WNT7B: variants seen among roughly 807,000 people sequenced by gnomAD.
The protein encoded by WNT7B is protein Wnt-7b.
Under a neutral mutation model 38.2 loss-of-function variants are expected in WNT7B, and 19 were observed. That is an observed-to-expected ratio of 0.50 (90% CI 0.35 to 0.73). WNT7B has a LOEUF of 0.73. Ranked by LOEUF, WNT7B falls within the 30% of genes least tolerant of loss-of-function variation. The pLI is 0.01. For missense variants in WNT7B, 423 were observed against 507.9 expected, an observed-to-expected ratio of 0.83 and a Z score of 1.61; for synonymous variants, 243 against 209.3, an observed-to-expected ratio of 1.16 and a Z score of -1.39.
chr22:45,969,203 C>A (rs1245991852), intron 1 of WNT7B, among the ~76,000 whole-genome samples: 3 of 152,150 alleles, frequency 2.0e-5, no homozygotes. Context: ...GTGGTAAGTG[C>A]CCCCCCACCC....
intron 3 of WNT7B, chr22:45,927,660 C>G (rs2146706579): frequency 1.4e-6 from 1 of 735,146 alleles, no homozygotes; most frequent in East Asian, 2.7e-5. Context: ...CTTTGGGAGG[C>G]CGAGGCGGGC....
chr22:45,962,824 G>T (rs1328753665), intron 1 of WNT7B, among the ~76,000 whole-genome samples: 1 of 152,224 alleles, frequency 6.6e-6, no homozygotes, highest in Non-Finnish European at 1.5e-5. Flanking sequence ...AGGCCTGGGT[G>T]ACCAGGATGC....
chr22:45,946,082 C>T (rs573807691), intron 2 of WNT7B, among the ~76,000 whole-genome samples: 33 of 152,216 alleles, frequency 2.2e-4, no homozygotes, highest in Admixed American at 2.0e-3. Flanking sequence ...ATGGGGGCGG[C>T]GCAGTGGTTG....
At position 45,976,459 on chromosome 22, in the gene WNT7B, C is replaced by T. The variant is rs950403302; in HGVS notation, c.71+225G>A. Among the ~76,000 whole-genome samples, 7 of 152,078 alleles carry T rather than the reference C, an allele frequency of 4.6e-5. No homozygotes were observed. In the East Asian group the frequency reaches 1.4e-3, roughly 30 times the overall value. The stretch of plus-strand genomic sequence containing the variant: ...GCCCGGCCGGACCGCCCGCGCGCCC[C>T]GCTCTCTCTCCTCCCGCGCTGGGCT... On this transcript the variant is annotated intron_variant, in intron 1 of 3. Transcript: ENST00000339464. The surrounding 1 kb of genome is among the most constrained non-coding windows in gnomAD (Gnocchi z 8.5).
chr22:45,957,628 A>AGC (rs1013189576), intron 1 of WNT7B, among the ~76,000 whole-genome samples: 17 of 131,748 alleles, frequency 1.3e-4, no homozygotes, highest in Non-Finnish European at 2.7e-4. Context: ...AGTTGCAGTG[A>AGC]GCCGAGATCA....
intron 2 of WNT7B, 70 bp from the exon 3 acceptor site, chr22:45,931,439 G>T (rs566097357): frequency 6.8e-7 from 1 of 1,466,976 alleles, no homozygotes; most frequent in Admixed American, 2.3e-5. Context: ...GGGACAGGGT[G>T]CCGGGCCTCG....
rs1932568660 is a variant in WNT7B at position 45,977,062 on chromosome 22, G to A, written c.-308C>T. ...GGGGCCCGGGCGCGGCTGGCGGGCGGGTGCAGCCTGCACTAGGCGCAGCCG... is the reference window on the plus strand; with the variant it reads ...GGGGCCCGGGCGCGGCTGGCGGGCGAGTGCAGCCTGCACTAGGCGCAGCCG... On this transcript the variant is annotated 5_prime_UTR_variant, in exon 1 of 4. Coordinates refer to ENST00000339464, the MANE Select transcript of WNT7B (RefSeq NM_058238.3). 1 of 975,608 alleles carries A rather than the reference G, an allele frequency of 1.0e-6. No individual in the cohort carries two copies. Among genetic ancestry groups the A allele is most frequent in the African/African-American group, 1.8e-5 (1 of 56,958 alleles). The allele number at this position is 975,608 out of a possible 1,614,324, so 60.4% of individuals were successfully genotyped here.
At chr22:45,941,270 G>T (rs547716563) in intron 2 of WNT7B, among the ~76,000 whole-genome samples, 1 of 152,336 alleles carries the variant, frequency 6.6e-6, no homozygotes, top group African/African-American at 2.4e-5. Context: ...GGCACCTTGG[G>T]AGGCTAAGGC....
At position 45,948,590 on chromosome 22, in the gene WNT7B, T is replaced by TC. The variant is rs145594048; in HGVS notation, c.298+1329dup. On this transcript the variant is annotated intron_variant, in intron 2 of 3. Coordinates refer to ENST00000339464, the MANE Select transcript of WNT7B (RefSeq NM_058238.3). ...TGCAAGCCTGGCACTCTGCCAGTTA[T>TC]CCCCCCCCTCCTCTGCCTCTTGCCA... Among the ~76,000 whole-genome samples the TC allele has an allele frequency of 3.5e-4, 53 of 151,422 alleles. 2 individuals are homozygous for TC. Among genetic ancestry groups the TC allele is most frequent in the African/African-American group, 8.0e-4 (33 of 41,258 alleles).
At position 45,965,299 on chromosome 22, in the gene WNT7B, G is replaced by C. The variant is rs540357686; in HGVS notation, c.71+11385C>G. On this transcript the variant is annotated intron_variant, in intron 1 of 3. Transcript: ENST00000339464. This position sits in a 1 kb window ranked among gnomAD's most constrained non-coding sequence, Gnocchi z 6.5. ...TCATCACAGATGGCTTAGAGCTCCTGCTGTGGGTCCCACAGGGCTTTGTGT... is the reference window on the plus strand; with the variant it reads ...TCATCACAGATGGCTTAGAGCTCCTCCTGTGGGTCCCACAGGGCTTTGTGT... 6.6e-6 allele frequency among the ~76,000 whole-genome samples: 1 copy of C among 152,210 alleles called. No homozygotes were observed. The highest frequency in any genetic ancestry group is 1.5e-5 in the Non-Finnish European group (1 of 68,036).
chr22:45,954,852 C>T (rs1932023602), intron 1 of WNT7B: 2 of 744,666 alleles, frequency 2.7e-6, no homozygotes, highest in Non-Finnish European at 3.3e-6. Flanking sequence ...ATCATTTAAT[C>T]CTCACCTTGC....
chr22:45,931,908 A>T (rs1222405494), intron 2 of WNT7B, among the ~76,000 whole-genome samples: 2 of 152,130 alleles, frequency 1.3e-5, no homozygotes, highest in African/African-American at 2.4e-5. Flanking sequence ...CCCCACCCCC[A>T]GCCAGGAACC....
In WNT7B at chr22:45,929,864, C is replaced by CCATTCATGCATCCATCCACCTACCCATA. The variant is rs139423492; in HGVS notation, c.570+1233_570+1234insTATGGGTAGGTGGATGGATGCATGAATG. 5.1e-3 allele frequency among the ~76,000 whole-genome samples: 764 copies of CCATTCATGCATCCATCCACCTACCCATA among 150,538 alleles called. 6 individuals are homozygous for CCATTCATGCATCCATCCACCTACCCATA. The highest frequency in any genetic ancestry group is 0.018 in the African/African-American group (724 of 40,592). On this transcript the variant is annotated intron_variant, in intron 3 of 3. Coordinates refer to ENST00000339464, the MANE Select transcript of WNT7B (RefSeq NM_058238.3). ...TACATCCACCCACTCATCCTTCCAT[C>CCATTCATGCATCCATCCACCTACCCATA]CATCCATCCAACCATCTACCCACTC... is the stretch of plus-strand genomic sequence containing the variant.
Position 45,921,225 on chromosome 22 carries a change from C to T in WNT7B, c.*1631G>A, listed in dbSNP as rs368125342. ...AGTTCCTCCCTCTGTCACTCATGCT[C>T]CTCAGAGACAGGGGTGGGAGCATCC... On this transcript the variant is annotated 3_prime_UTR_variant, in exon 4 of 4. Transcript: ENST00000339464. The T allele has an allele frequency of 1.3e-5, 2 of 152,440 alleles. No individual in the cohort carries two copies. The highest frequency in any genetic ancestry group is 3.9e-4 in the East Asian group (2 of 5,174). 9.4% of individuals were successfully genotyped at this position (152,440 alleles called of 1,614,324 possible).
chr22:45,974,025 T>A (rs927895566), intron 1 of WNT7B, among the ~76,000 whole-genome samples: 11 of 152,164 alleles, frequency 7.2e-5, no homozygotes, highest in Admixed American at 6.5e-4. Context: ...GCAGATGCCC[T>A]GGAATACACC....
chr22:45,955,976 G>A (rs73175074), intron 1 of WNT7B, among the ~76,000 whole-genome samples: 12,385 of 152,192 alleles, frequency 0.081, 1,435 homozygotes, highest in African/African-American at 0.26. Context: ...GTCTTTGGCA[G>A]AACAGCCCCA....
intron 2 of WNT7B, 126 bp from the exon 3 acceptor site, chr22:45,931,495 G>GC (rs1224466829): frequency 1.7e-6 from 2 of 1,184,560 alleles, no homozygotes; most frequent in African/African-American, 1.5e-5. Flanking sequence ...CTCATCGCTC[G>GC]CCCCCTCTGT....
In WNT7B at chr22:45,950,298, GT is replaced by G. The variant is rs1158474466; in HGVS notation, c.72-153del. 8.7e-6 allele frequency: 6 copies of G among 693,642 alleles called. No individual in the cohort carries two copies. In the Admixed American group the frequency reaches 1.2e-4, roughly 14 times the overall value. The allele number at this position is 693,642 out of a possible 1,614,324, so 43.0% of individuals were successfully genotyped here. A position where few individuals can be genotyped will look rare whatever the true frequency, so the allele number is the denominator to read the frequency against. On this transcript the variant is annotated intron_variant, in intron 1 of 3. Transcript: ENST00000339464. ...AGCAGATCCCTGCCCTCAAGGGGCT[GT>G]TTCCCATCAACTCACATGCGTGACC...
chr22:45,967,004 C>A (rs918812038), intron 1 of WNT7B, among the ~76,000 whole-genome samples: 3 of 152,290 alleles, frequency 2.0e-5, no homozygotes, highest in Middle Eastern at 3.4e-3. Flanking sequence ...GCCTCAGGAC[C>A]CACGCTCAGA....
Sources: allele counts gnomAD v4.1 joint callset (sites outside exome capture counted in the v4.1 genomes callset), GRCh38; gene constraint gnomAD v4.1.1; non-coding constraint Gnocchi (gnomAD v3.1); transcripts MANE v1.5; gene names NCBI Gene and HGNC (gene_info 2026-07-23, HGNC 2026-07-21).